Variants in CFAP20DC observed in about 807,000 individuals in gnomAD.
CFAP20DC encodes protein CFAP20DC.
Under a neutral mutation model 101.7 loss-of-function variants are expected in CFAP20DC, and 84 were observed. That is an observed-to-expected ratio of 0.83 (90% CI 0.69 to 0.99). CFAP20DC has a LOEUF of 0.99. CFAP20DC is among the 50% of genes least tolerant of loss of function. The pLI is 0.00. For missense variants in CFAP20DC, 1,007 were observed against 970.3 expected, an observed-to-expected ratio of 1.04 and a Z score of -0.50; for synonymous variants, 359 against 351.2, an observed-to-expected ratio of 1.02 and a Z score of -0.25.
At position 59,004,374 on chromosome 3, in the gene CFAP20DC, T is replaced by C. The variant is rs527602103; in HGVS notation, c.278+35183A>G. 1.1e-3 allele frequency among the ~76,000 whole-genome samples: 166 copies of C among 152,316 alleles called. 1 individual carries two copies. The highest frequency in any genetic ancestry group is 2.0e-3 in the Non-Finnish European group (137 of 68,020). On this transcript the variant is annotated intron_variant, in intron 4 of 16. Coordinates refer to ENST00000482387, the MANE Select transcript of CFAP20DC (RefSeq NM_001394063.1). ...GAGCATGGAAGTGTTTTATAAAATA[T>C]AAAGTGACATACTAATTTAAGGAGT...
intron 6 of CFAP20DC, among the ~76,000 whole-genome samples, chr3:58,903,663 A>G (rs1427647176): frequency 6.6e-6 from 1 of 152,198 alleles, no homozygotes; most frequent in Non-Finnish European, 1.5e-5. Context: ...TTATAAAACA[A>G]TCAGATCTCA....
intron 5 of CFAP20DC, among the ~76,000 whole-genome samples, chr3:58,918,383 T>C (rs2084967321): frequency 6.6e-6 from 1 of 152,138 alleles, no homozygotes; most frequent in Non-Finnish European, 1.5e-5. Context: ...CTGTCACTCC[T>C]ACAGATGCAT....
At chr3:59,028,509 T>A (rs1449093657) in intron 4 of CFAP20DC, among the ~76,000 whole-genome samples, 2 of 152,172 alleles carry the variant, frequency 1.3e-5, no homozygotes, top group Non-Finnish European at 2.9e-5. Flanking sequence ...TATATTAAAA[T>A]TCAAATAAAA....
intron 3 of CFAP20DC, among the ~76,000 whole-genome samples, chr3:58,731,077 A>G (rs2067637267): frequency 6.6e-6 from 1 of 152,212 alleles, no homozygotes; most frequent in Admixed American, 6.5e-5. Flanking sequence ...TAGATGAAAA[A>G]GCTAGAGGCT....
intron 4 of CFAP20DC, among the ~76,000 whole-genome samples, chr3:58,965,456 T>A (rs938407040): frequency 3.9e-5 from 6 of 152,176 alleles, no homozygotes; most frequent in Admixed American, 1.3e-4. Context: ...ATCTTTTTTT[T>A]AAATTGTTCA....
At chr3:58,987,299 A>G (rs1179373798) in intron 4 of CFAP20DC, among the ~76,000 whole-genome samples, 1 of 152,138 alleles carries the variant, frequency 6.6e-6, no homozygotes, top group Non-Finnish European at 1.5e-5. Flanking sequence ...GAAATAAAAT[A>G]TAACTTCCAA....
chr3:58,996,443 A>C (rs1056245539), intron 4 of CFAP20DC, among the ~76,000 whole-genome samples: 2 of 152,226 alleles, frequency 1.3e-5, no homozygotes, highest in Admixed American at 1.3e-4. Flanking sequence ...TGTAATTTTT[A>C]AGATACAGAT....
rs999017893 is a variant in CFAP20DC, at chr3:58,728,337, T to A, written c.198-10709A>T. Among the ~76,000 whole-genome samples the A allele has an allele frequency of 6.6e-6, 1 of 152,256 alleles. No homozygotes were observed. Among genetic ancestry groups the A allele is most frequent in the Non-Finnish European group, 1.5e-5 (1 of 68,044 alleles). ...AATTGGAAGAAGATTCACGTCCTCA[T>A]ATTAGAGAAATAGCTGGCTAAATGA... On this transcript the variant is annotated intron_variant, in intron 3 of 3. Coordinates refer to the CFAP20DC transcript ENST00000486145. The surrounding 1 kb of genome is among the most constrained non-coding windows in gnomAD (Gnocchi z 4.7).
chr3:58,858,250 A>G (rs1039468234), intron 12 of CFAP20DC, among the ~76,000 whole-genome samples: 9 of 152,154 alleles, frequency 5.9e-5, no homozygotes, highest in African/African-American at 1.7e-4. Context: ...GCTCAGAAAC[A>G]TTTGTTTGTT....
chr3:58,785,960 A>G (rs1314085623), intron 15 of CFAP20DC, among the ~76,000 whole-genome samples: 3 of 152,222 alleles, frequency 2.0e-5, no homozygotes, highest in Admixed American at 6.5e-5. Flanking sequence ...ACCTTCTCAC[A>G]GTTTCTGGCC....
chr3:58,867,958 C>G (rs776648816), intron 9 of CFAP20DC, 22 bp from the exon 10 acceptor site: 2 of 1,589,510 alleles, frequency 1.3e-6, no homozygotes, highest in South Asian at 1.2e-5. Context: ...TATCAAAGCA[C>G]AAAAGCCAGA....
At chr3:58,902,365 GCCACACTGTTT>G (rs1490012406) in intron 6 of CFAP20DC, among the ~76,000 whole-genome samples, 7 of 152,242 alleles carry the variant, frequency 4.6e-5, no homozygotes, top group African/African-American at 1.7e-4. Context: ...CTGAGGAACT[GCCACACTGTTT>G]CCCCACAGCG....
chr3:58,831,860 G>T lies in CFAP20DC; in HGVS notation c.2001C>A (p.Ser667Arg), dbSNP rs2076415143. Residue 667 changes from serine (S) to arginine (R), a missense_variant, in exon 14 of 17, where the codon AGC becomes AGA. Coordinates refer to ENST00000482387, the MANE Select transcript of CFAP20DC (RefSeq NM_001394063.1). Reference protein sequence around the residue: ...SEYDWRNYQPSQMSESELQML... With the variant: ...SEYDWRNYQPRQMSESELQML... The stretch of plus-strand genomic sequence containing the variant: ...TCTGTAACTCGGATTCACTCATCTG[G>T]CTTGGCTGATAGTTTCGCCAGTCAT... The T allele has an allele frequency of 6.2e-6, 10 of 1,613,862 alleles. No individual in the cohort carries two copies. Among genetic ancestry groups the T allele is most frequent in the African/African-American group, 1.3e-5 (1 of 74,878 alleles).
intron 13 of CFAP20DC, among the ~76,000 whole-genome samples, chr3:58,838,321 GCAGGC>G (rs1379572279): frequency 4.6e-5 from 7 of 152,106 alleles, no homozygotes; most frequent in Non-Finnish European, 1.0e-4. Flanking sequence ...TATGTTCATG[GCAGGC>G]ACATGGACCT....
chr3:58,982,024 A>G (rs1287962992), intron 4 of CFAP20DC, among the ~76,000 whole-genome samples: 8 of 152,168 alleles, frequency 5.3e-5, no homozygotes, highest in Non-Finnish European at 1.0e-4. Context: ...AAAAACAAAC[A>G]ACCCCATCAA....
chr3:58,905,341 G>A (rs921029259), intron 6 of CFAP20DC, among the ~76,000 whole-genome samples: 2 of 151,986 alleles, frequency 1.3e-5, no homozygotes, highest in Non-Finnish European at 2.9e-5. Flanking sequence ...ATCTAAATAT[G>A]CATTCTGGTT....
chr3:58,862,463 T>C (rs2079329959), intron 12 of CFAP20DC: 2 of 985,436 alleles, frequency 2.0e-6, no homozygotes, highest in Non-Finnish European at 2.4e-6. Flanking sequence ...TAGGTTATGT[T>C]TGGTATGACT....
chr3:58,819,998 C>A (rs1204803424), intron 14 of CFAP20DC, among the ~76,000 whole-genome samples: 1 of 141,150 alleles, frequency 7.1e-6, no homozygotes, highest in Non-Finnish European at 1.5e-5. Context: ...ATACGCAAAT[C>A]AATAAATGTA....
chr3:58,767,908 TC>T (rs1280144853), intron 15 of CFAP20DC, among the ~76,000 whole-genome samples: 2 of 152,238 alleles, frequency 1.3e-5, no homozygotes, highest in Admixed American at 1.3e-4. Context: ...TCACATTTCA[TC>T]TTCAAGTAGT....
Sources: allele counts gnomAD v4.1 joint callset (sites outside exome capture counted in the v4.1 genomes callset), GRCh38; gene constraint gnomAD v4.1.1; non-coding constraint Gnocchi (gnomAD v3.1); transcripts MANE v1.5; gene names NCBI Gene and HGNC (gene_info 2026-07-23, HGNC 2026-07-21).